Variants in EFCC1 observed in about 807,000 individuals in gnomAD.
EFCC1 encodes EF-hand and coiled-coil domain containing 1.
In EFCC1, 50 loss-of-function variants were observed where a neutral mutation model predicts 52.1. That is an observed-to-expected ratio of 0.96 (90% CI 0.76 to 1.21). The LOEUF is 1.21. EFCC1 is among the 50% of genes most tolerant of loss of function. The pLI is 0.00. For missense variants in EFCC1, 837 were observed against 867.3 expected, an observed-to-expected ratio of 0.97 and a Z score of 0.44; for synonymous variants, 399 against 396.5, an observed-to-expected ratio of 1.01 and a Z score of -0.08.
At chr3:129,020,925 C>G (rs1301715580) in intron 2 of EFCC1, among the ~76,000 whole-genome samples, 1 of 152,182 alleles carries the variant, frequency 6.6e-6, no homozygotes, top group Admixed American at 6.5e-5. Flanking sequence ...GTGGGCACCT[C>G]GTAGTCCCAG....
chr3:129,032,974 GC>G lies in EFCC1; in HGVS notation c.1286+11del. On this transcript the variant is annotated intron_variant, in intron 4 of 7. Transcript: ENST00000683648. ...CTCCAGCTGCAGAGGCAGGTGTGTG[GC>G]CCGTCCAGCGTCAGCCACTGTGGGC... 1 of 1,529,082 alleles carries G rather than the reference GC, an allele frequency of 6.5e-7. No individual in the cohort carries two copies. The highest frequency in any genetic ancestry group is 8.8e-7 in the Non-Finnish European group (1 of 1,134,478). The allele number at this position is 1,529,082 out of a possible 1,614,324, so 94.7% of individuals were successfully genotyped here.
rs1418106177 is a variant in EFCC1 at position 129,001,803 on chromosome 3, C to T, written c.175C>T (p.Leu59=). The T allele has an allele frequency of 6.5e-7, 1 of 1,545,484 alleles. No homozygotes were observed. The highest frequency in any genetic ancestry group is 8.7e-7 in the Non-Finnish European group (1 of 1,145,884). The change falls in exon 1 of 8, where the codon CTG becomes TTG. Residue 59 remains leucine, a synonymous_variant. Transcript: ENST00000683648. ...VVLATGLDQY[L]QEVFHHLDCR... is the part of the protein sequence containing the mutation. ...GCTGGCCACCGGCCTGGACCAGTAC[C>T]TGCAGGAGGTCTTCCACCACCTGGA...
At chr3:129,004,858 G>T (rs910567558) in intron 2 of EFCC1, among the ~76,000 whole-genome samples, 3 of 152,150 alleles carry the variant, frequency 2.0e-5, no homozygotes, top group African/African-American at 7.2e-5. Flanking sequence ...TGGGACCCAG[G>T]TTCAAATCTT....
At chr3:129,020,638 A>G (rs1337157743) in intron 2 of EFCC1, among the ~76,000 whole-genome samples, 1 of 152,176 alleles carries the variant, frequency 6.6e-6, no homozygotes, top group African/African-American at 2.4e-5. Context: ...CCCTGTCTCA[A>G]TAAATAAATA....
chr3:129,003,615 G>A (rs1229090666), intron 1 of EFCC1, among the ~76,000 whole-genome samples, 179 bp from the exon 2 acceptor site: 1 of 152,220 alleles, frequency 6.6e-6, no homozygotes, highest in Non-Finnish European at 1.5e-5. Flanking sequence ...GATGTGGCGA[G>A]GGTTAAAGGA....
intron 2 of EFCC1, among the ~76,000 whole-genome samples, chr3:129,027,277 AGGTGCC>A (rs1357920910): frequency 6.6e-6 from 1 of 152,106 alleles, no homozygotes; most frequent in African/African-American, 2.4e-5. Flanking sequence ...CTCGCAGCCG[AGGTGCC>A]GGCGGGGAGC....
rs540312870 is a variant in EFCC1, at chr3:129,031,079, G to C, written c.1138+219G>C. On this transcript the variant is annotated intron_variant, in intron 3 of 7. Transcript: ENST00000683648. ...TCTGGGGTGTGTAGAGCCATCAGGA[G>C]GTCAGGATACACTGAGATGTTCCCA... Among the ~76,000 whole-genome samples the C allele has an allele frequency of 5.9e-5, 9 of 152,266 alleles. No individual in the cohort carries two copies. In the East Asian group the frequency reaches 1.7e-3, roughly 29 times the overall value.
chr3:129,002,678 C>T (rs995945225), intron 1 of EFCC1: 5 of 290,838 alleles, frequency 1.7e-5, no homozygotes, highest in Non-Finnish European at 3.2e-5. Context: ...AAGCATCTTT[C>T]TCTCTCCTTC....
At chr3:129,038,970 T>G in intron 7 of EFCC1, 70 bp downstream of exon 7, 1 of 1,296,050 alleles carries the variant, frequency 7.7e-7, no homozygotes, top group Non-Finnish European at 1.1e-6. Flanking sequence ...GAGACTCCAG[T>G]GTGCTTCATG....
intron 2 of EFCC1, among the ~76,000 whole-genome samples, chr3:129,024,680 G>A (rs1946024393): frequency 6.6e-6 from 1 of 151,780 alleles, no homozygotes; most frequent in South Asian, 2.1e-4. Context: ...GAGGGAGAGA[G>A]GGAGACAAAC....
chr3:129,012,373 G>A (rs1241511357), intron 2 of EFCC1, among the ~76,000 whole-genome samples: 1 of 152,102 alleles, frequency 6.6e-6, no homozygotes, highest in Non-Finnish European at 1.5e-5. Context: ...ACACTCCTCG[G>A]ATGAGCTTTC....
chr3:129,025,642 T>C (rs932385329), intron 2 of EFCC1, among the ~76,000 whole-genome samples: 4 of 152,182 alleles, frequency 2.6e-5, no homozygotes, highest in Non-Finnish European at 5.9e-5. Flanking sequence ...GGAGCTATTA[T>C]AGCATGTGAG....
intron 2 of EFCC1, among the ~76,000 whole-genome samples, chr3:129,013,472 A>C (rs1425463692): frequency 1.3e-5 from 2 of 152,102 alleles, no homozygotes; most frequent in Non-Finnish European, 2.9e-5. Flanking sequence ...CTTTCTTTCT[A>C]TCCTTTATCT....
chr3:129,019,929 C>T (rs1022176997), intron 2 of EFCC1, among the ~76,000 whole-genome samples: 6 of 151,808 alleles, frequency 4.0e-5, no homozygotes, highest in Non-Finnish European at 7.4e-5. Flanking sequence ...CCACCACGCC[C>T]GGCTAATTTT....
intron 2 of EFCC1, among the ~76,000 whole-genome samples, chr3:129,007,600 C>T (rs1945129807): frequency 1.3e-5 from 2 of 152,212 alleles, no homozygotes; most frequent in Admixed American, 6.5e-5. Context: ...TCTCATCTTC[C>T]CTCTAAGGTT....
intron 2 of EFCC1, among the ~76,000 whole-genome samples, chr3:129,028,528 T>G (rs1185596770): frequency 6.6e-6 from 1 of 152,234 alleles, no homozygotes; most frequent in African/African-American, 2.4e-5. Flanking sequence ...TGGTGCACGC[T>G]TACCTTTATG....
At chr3:129,034,769 A>G (rs936458922) in intron 5 of EFCC1, among the ~76,000 whole-genome samples, 1 of 152,148 alleles carries the variant, frequency 6.6e-6, no homozygotes, top group East Asian at 1.9e-4. Flanking sequence ...TCACAGGAAA[A>G]TGAGTCTCAT....
intron 2 of EFCC1, among the ~76,000 whole-genome samples, chr3:129,022,532 G>A (rs1945902996): frequency 1.3e-5 from 2 of 152,190 alleles, no homozygotes; most frequent in African/African-American, 2.4e-5. Context: ...GGCCAGATGT[G>A]GCCATCAGCC....
At chr3:129,007,648 C>G (rs1174246497) in intron 2 of EFCC1, among the ~76,000 whole-genome samples, 1 of 152,202 alleles carries the variant, frequency 6.6e-6, no homozygotes, top group African/African-American at 2.4e-5. Context: ...GAAATAGACC[C>G]TTGGGGTTGG....
Sources: allele counts gnomAD v4.1 joint callset (sites outside exome capture counted in the v4.1 genomes callset), GRCh38; gene constraint gnomAD v4.1.1; transcripts MANE v1.5; gene names NCBI Gene and HGNC (gene_info 2026-07-23, HGNC 2026-07-21).